KPNA1: variants seen among roughly 807,000 people sequenced by gnomAD.
The protein encoded by KPNA1 is karyopherin subunit alpha 1.
KPNA1 carries 10 observed loss-of-function variants against 70.5 expected under a neutral mutation model. That is an observed-to-expected ratio of 0.14 (90% confidence interval 0.09 to 0.24). The LOEUF is 0.24. KPNA1 is among the 10% of genes least tolerant of loss of function. The pLI, the probability that KPNA1 is intolerant of heterozygous loss-of-function variation, is 1.00. For missense variants in KPNA1, 397 were observed against 637.9 expected, an observed-to-expected ratio of 0.62 and a Z score of 4.07; for synonymous variants, 192 against 221.9, an observed-to-expected ratio of 0.87 and a Z score of 1.20.
chr3:122,488,585 T>C (rs944173463), intron 2 of KPNA1, among the ~76,000 whole-genome samples: 5 of 152,222 alleles, frequency 3.3e-5, no homozygotes, highest in Non-Finnish European at 7.3e-5. Flanking sequence ...ACAGATAAAA[T>C]AATTTGATAG....
At chr3:122,507,341 T>C (rs1367307636) in intron 1 of KPNA1, among the ~76,000 whole-genome samples, 1 of 150,576 alleles carries the variant, frequency 6.6e-6, no homozygotes, top group Non-Finnish European at 1.5e-5. Context: ...CTCGGGAGGT[T>C]GAGGCAGGAG....
chr3:122,496,765 G>A, intron 1 of KPNA1, 195 bp from the exon 2 acceptor site: 4 of 404,922 alleles, frequency 9.9e-6, no homozygotes, highest in Non-Finnish European at 1.3e-5. Flanking sequence ...GTACAGTGGT[G>A]CAATCATAGC....
intron 8 of KPNA1, among the ~76,000 whole-genome samples, chr3:122,451,033 A>G (rs1304318531): frequency 6.6e-6 from 1 of 152,136 alleles, no homozygotes; most frequent in Non-Finnish European, 1.5e-5. Flanking sequence ...AGGACTACAC[A>G]CTGGGTACAG....
At chr3:122,438,638 A>C (rs1455402199) in intron 10 of KPNA1, among the ~76,000 whole-genome samples, 2 of 152,136 alleles carry the variant, frequency 1.3e-5, no homozygotes, top group African/African-American at 4.8e-5. Flanking sequence ...CACCTACCTC[A>C]GCCTCCCAAA....
chr3:122,500,912 CTACTCTT>C (rs1242519937), intron 1 of KPNA1, among the ~76,000 whole-genome samples: 3 of 151,560 alleles, frequency 2.0e-5, no homozygotes, highest in Non-Finnish European at 2.9e-5. Flanking sequence ...AATTTTCACT[CTACTCTT>C]TATTTGCTTC....
At position 122,451,639 on chromosome 3, in the gene KPNA1, A is replaced by G. The variant is rs1380676880; in HGVS notation, c.654-6T>C. ...GGTTTTGCTTTGAAAATAACCTAAA[A>G]GCACGATGGTACAATGGTAAACTAT... On this transcript the variant is annotated splice_region_variant and splice_polypyrimidine_tract_variant and intron_variant, in intron 7 of 13. Coordinates refer to ENST00000344337, the MANE Select transcript of KPNA1 (RefSeq NM_002264.4). 1.3e-6 allele frequency: 2 copies of G among 1,580,886 alleles called. No individual in the cohort carries two copies. The highest frequency in any genetic ancestry group is 2.2e-5 in the East Asian group (1 of 44,712).
chr3:122,452,012 T>G lies in KPNA1; in HGVS notation c.617A>C (p.Tyr206Ser). Residue 206 changes from tyrosine to serine, a missense_variant, in exon 7 of 14, where the codon TAT (tyrosine) becomes TCT (serine). By Grantham distance (144) the Tyr-to-Ser change is moderately radical (BLOSUM62 -2). Coordinates refer to ENST00000344337, the MANE Select transcript of KPNA1 (RefSeq NM_002264.4). ...IAGDSTMCRD[Y>S]VLDCNILPPL... ...GGGAAGGATATTGCAGTCTAAGACATAGTCCCTGCACATGGTACTATCTCC... is the reference window on the plus strand; with the variant it reads ...GGGAAGGATATTGCAGTCTAAGACAGAGTCCCTGCACATGGTACTATCTCC... The G allele has an allele frequency of 6.2e-7, 1 of 1,610,446 alleles. No homozygotes were observed. The highest frequency in any genetic ancestry group is 8.5e-7 in the Non-Finnish European group (1 of 1,178,160).
chr3:122,484,403 G>A (rs2076605519), intron 2 of KPNA1, among the ~76,000 whole-genome samples: 1 of 152,196 alleles, frequency 6.6e-6, no homozygotes, highest in Admixed American at 6.5e-5. Flanking sequence ...GCTCACGCCT[G>A]TAATTCCAGC....
chr3:122,476,596 A>G (rs2076500151), intron 2 of KPNA1, among the ~76,000 whole-genome samples: 1 of 152,144 alleles, frequency 6.6e-6, no homozygotes, highest in South Asian at 2.1e-4. Context: ...TGATTTTAAA[A>G]TAGGGAAAGA....
intron 1 of KPNA1, among the ~76,000 whole-genome samples, chr3:122,509,687 C>T (rs1392079268): frequency 6.6e-6 from 1 of 152,092 alleles, no homozygotes; most frequent in African/African-American, 2.4e-5. Context: ...AGGAATGTAC[C>T]AACCACAATG....
chr3:122,500,931 T>C (rs1270602976), intron 1 of KPNA1, among the ~76,000 whole-genome samples: 1 of 151,760 alleles, frequency 6.6e-6, no homozygotes, highest in Non-Finnish European at 1.5e-5. Flanking sequence ...ATTTGCTTCC[T>C]TCTGCTTGCT....
chr3:122,447,345 C>A (rs1463938453), intron 9 of KPNA1, among the ~76,000 whole-genome samples: 1 of 152,172 alleles, frequency 6.6e-6, no homozygotes, highest in Non-Finnish European at 1.5e-5. Flanking sequence ...GGCTTCATCC[C>A]TGGGATGCAA....
At chr3:122,457,465 T>C (rs1396837573) in intron 5 of KPNA1, among the ~76,000 whole-genome samples, 10 of 152,246 alleles carry the variant, frequency 6.6e-5, no homozygotes, top group Non-Finnish European at 1.5e-5. Flanking sequence ...TTCACTTCTT[T>C]TGTTGTTTTA....
chr3:122,460,661 A>T, intron 5 of KPNA1: 2 of 819,392 alleles, frequency 2.4e-6, no homozygotes, highest in Non-Finnish European at 2.9e-6. Context: ...AAAAAAAAAA[A>T]AGAAAATTCT....
rs895180288 is a variant in KPNA1 at position 122,478,457 on chromosome 3, A to G, written c.130-11028T>C. Among the ~76,000 whole-genome samples, 4 of 152,044 alleles carry G rather than the reference A, an allele frequency of 2.6e-5. No homozygotes were observed. In the East Asian group the frequency reaches 5.8e-4, roughly 22 times the overall value. On this transcript the variant is annotated intron_variant, in intron 2 of 13. Coordinates refer to ENST00000344337, the MANE Select transcript of KPNA1 (RefSeq NM_002264.4). ...ACCAACATGGTGAAACCCCATCTCT[A>G]TTAATACAAAAATTTAATCGCAGCA...
chr3:122,474,780 G>A (rs148830796), intron 2 of KPNA1, among the ~76,000 whole-genome samples: 10 of 152,228 alleles, frequency 6.6e-5, no homozygotes, highest in African/African-American at 1.9e-4. Flanking sequence ...CTCAATAGAT[G>A]CAGAAAAAGC....
intron 1 of KPNA1, among the ~76,000 whole-genome samples, chr3:122,510,604 A>T (rs2076944519): frequency 6.6e-6 from 1 of 152,230 alleles, no homozygotes; most frequent in Non-Finnish European, 1.5e-5. Context: ...TGGTAGAGAC[A>T]GTGTGTGCAT....
At chr3:122,435,181 TACACACACACAAAC>T (rs960794358) in intron 11 of KPNA1, among the ~76,000 whole-genome samples, 3 of 152,118 alleles carry the variant, frequency 2.0e-5, no homozygotes, top group Admixed American at 6.5e-5. Context: ...GATGCTTCAA[TACACACACACAAAC>T]ACACACACAC....
At chr3:122,455,959 T>TA (rs1172096841) in intron 5 of KPNA1, among the ~76,000 whole-genome samples, 1 of 152,062 alleles carries the variant, frequency 6.6e-6, no homozygotes, top group Non-Finnish European at 1.5e-5. Context: ...GAGGAAACTA[T>TA]CTGAAAAAAA....
Sources: gnomAD v4.1 joint callset for allele counts (sites outside exome capture counted in the v4.1 genomes callset) on GRCh38, gnomAD v4.1.1 for gene constraint, MANE v1.5 for transcripts, NCBI Gene and HGNC (gene_info 2026-07-23, HGNC 2026-07-21) for gene names.